Variants in LRBA observed in about 807,000 individuals in gnomAD.
LRBA encodes lipopolysaccharide-responsive and beige-like anchor protein.
A neutral mutation model predicts 330.0 loss-of-function variants in LRBA; 176 were observed. That is an observed-to-expected ratio of 0.53 (90% CI 0.47 to 0.60). The LOEUF (loss-of-function observed/expected upper bound fraction) is 0.60. Ranked by LOEUF, LRBA falls within the 20% of genes least tolerant of loss-of-function variation. The pLI, the probability that LRBA is intolerant of heterozygous loss-of-function variation, is 0.00. For synonymous variants in LRBA, 1,230 were observed against 1,193.0 expected (o/e 1.03, Z -0.64); for missense variants, 3,259 against 3,444.8 (o/e 0.95, Z 1.35).
intron 56 of LRBA, among the ~76,000 whole-genome samples, chr4:150,266,880 G>A (rs1440358551): frequency 6.6e-6 from 1 of 152,286 alleles, no homozygotes; most frequent in East Asian, 1.9e-4. Flanking sequence ...GATATTCCGT[G>A]TAAGTACTAG....
intron 37 of LRBA, among the ~76,000 whole-genome samples, chr4:150,680,538 C>T (rs1477273542): frequency 6.6e-6 from 1 of 152,168 alleles, no homozygotes; most frequent in Admixed American, 6.5e-5. Flanking sequence ...TGAATGGAAA[C>T]TTTTGGGAAT....
chr4:150,530,430 G>A (rs972523974), intron 40 of LRBA, among the ~76,000 whole-genome samples: 1 of 152,032 alleles, frequency 6.6e-6, no homozygotes, highest in Admixed American at 6.6e-5. Flanking sequence ...ATCTCCTGTA[G>A]ACTTCCATCT....
chr4:150,810,321 C>T lies in LRBA; in HGVS notation c.5306-1923G>A, dbSNP rs1331543595. On this transcript the variant is annotated intron_variant, in intron 31 of 56. Transcript: ENST00000651943. ...AACCTCTGGATAATTACTGAGCCCA[C>T]CCCTTAGAGTGAGCACATACCTAGT... Among the ~76,000 whole-genome samples, 3 of 152,178 alleles carry T rather than the reference C, an allele frequency of 2.0e-5. No individual in the cohort carries two copies. The East Asian group carries it at 5.8e-4, about 29-fold the overall frequency.
intron 37 of LRBA, among the ~76,000 whole-genome samples, chr4:150,666,405 A>T (rs1443842942): frequency 1.3e-5 from 2 of 151,910 alleles, no homozygotes; most frequent in Non-Finnish European, 2.9e-5. Flanking sequence ...CCAGCTACTC[A>T]GGAGGCTGAA....
intron 33 of LRBA, among the ~76,000 whole-genome samples, chr4:150,806,067 C>T (rs182084001): frequency 1.0e-3 from 154 of 150,968 alleles, no homozygotes; most frequent in Non-Finnish European, 1.6e-3. Context: ...CATAATTCTA[C>T]GCTCCATCCA....
chr4:150,315,353 T>TA (rs1421885177), intron 51 of LRBA: 1 of 630,916 alleles, frequency 1.6e-6, no homozygotes, highest in Non-Finnish European at 2.8e-6. Context: ...ACACGCGTCC[T>TA]AGGCCTGTTC....
chr4:150,285,408 C>G (rs898353332), intron 54 of LRBA, among the ~76,000 whole-genome samples: 5 of 152,204 alleles, frequency 3.3e-5, no homozygotes, highest in Admixed American at 6.5e-5. Flanking sequence ...CAGCACAAAC[C>G]TCCAGGCAAA....
intron 34 of LRBA, among the ~76,000 whole-genome samples, chr4:150,763,515 T>C (rs1053295748): frequency 6.6e-6 from 1 of 151,918 alleles, no homozygotes; most frequent in African/African-American, 2.4e-5. Context: ...ATGAATCTAA[T>C]TTAAAAGCAT....
intron 52 of LRBA, among the ~76,000 whole-genome samples, chr4:150,306,205 T>C (rs971189611): frequency 6.6e-6 from 1 of 152,150 alleles, no homozygotes; most frequent in East Asian, 1.9e-4. Flanking sequence ...CCCGAAAACA[T>C]GATTTATGTT....
intron 40 of LRBA, among the ~76,000 whole-genome samples, chr4:150,578,254 T>C (rs951690228): frequency 1.3e-5 from 2 of 152,218 alleles, no homozygotes; most frequent in Non-Finnish European, 2.9e-5. Context: ...CATTGTAAGG[T>C]TAGCATTCTA....
At chr4:150,340,334 G>GA (rs1375865610) in intron 48 of LRBA, among the ~76,000 whole-genome samples, 2 of 152,128 alleles carry the variant, frequency 1.3e-5, no homozygotes, top group East Asian at 3.8e-4. Context: ...TTTAATAATT[G>GA]ATACAGATTG....
chr4:150,379,408 T>A (rs1741862139), intron 47 of LRBA, among the ~76,000 whole-genome samples: 1 of 148,880 alleles, frequency 6.7e-6, no homozygotes, highest in South Asian at 2.1e-4. Flanking sequence ...AATTTAAATA[T>A]CAAGTTTGTA....
intron 46 of LRBA, chr4:150,423,360 C>A: frequency 1.5e-6 from 1 of 673,510 alleles, no homozygotes; most frequent in Non-Finnish European, 2.7e-6. Flanking sequence ...CAAGGGTCTT[C>A]TGCCCACTTG....
intron 53 of LRBA, among the ~76,000 whole-genome samples, chr4:150,288,800 T>G (rs1290074157): frequency 2.0e-5 from 3 of 151,358 alleles, no homozygotes; most frequent in Non-Finnish European, 4.4e-5. Flanking sequence ...GTTCTTTTTT[T>G]TTTTTTTTTT....
intron 37 of LRBA, among the ~76,000 whole-genome samples, chr4:150,604,404 C>CAAAAAA: frequency 6.8e-6 from 1 of 146,682 alleles, no homozygotes; most frequent in Non-Finnish European, 1.5e-5. Context: ...AGACTATCTC[C>CAAAAAA]AAAAAAAAAA....
intron 37 of LRBA, among the ~76,000 whole-genome samples, chr4:150,633,693 C>G (rs1269452993): frequency 6.6e-6 from 1 of 152,190 alleles, no homozygotes; most frequent in African/African-American, 2.4e-5. Flanking sequence ...GAAAAGCACC[C>G]AATATGGCCA....
At chr4:150,445,750 G>A (rs942963511) in intron 44 of LRBA, among the ~76,000 whole-genome samples, 1 of 151,850 alleles carries the variant, frequency 6.6e-6, no homozygotes, top group Non-Finnish European at 1.5e-5. Context: ...CTGCAGCCTC[G>A]AACTCCTGGG....
chr4:150,570,150 T>C (rs1005675032), intron 40 of LRBA, among the ~76,000 whole-genome samples: 6 of 152,102 alleles, frequency 3.9e-5, no homozygotes, highest in African/African-American at 7.2e-5. Flanking sequence ...ATAATACACT[T>C]ACTTCAGAAA....
chr4:150,974,946 A>T (rs1352809287), intron 2 of LRBA, among the ~76,000 whole-genome samples: 2 of 152,226 alleles, frequency 1.3e-5, no homozygotes, highest in Admixed American at 1.3e-4. Flanking sequence ...AAGCAGGCCA[A>T]AACTTGTGGT....
Sources: gnomAD v4.1 joint callset for allele counts (sites outside exome capture counted in the v4.1 genomes callset) on GRCh38, gnomAD v4.1.1 for gene constraint, MANE v1.5 for transcripts, NCBI Gene and HGNC (gene_info 2026-07-23, HGNC 2026-07-21) for gene names.